The following PLAGL1 variants were observed in gnomAD, a reference collection of about 807,000 sequenced individuals.
PLAGL1 encodes the protein PLAG1 like zinc finger 1.
Under a neutral mutation model 4.6 loss-of-function variants are expected in PLAGL1, and 1 was observed. The ratio of observed to expected loss-of-function variants is 0.22; its 90% CI spans 0.08 to 1.03. PLAGL1 has a LOEUF of 1.03. Ranked by LOEUF, PLAGL1 falls within the 50% of genes least tolerant of loss-of-function variation. The pLI is 0.58. For missense variants in PLAGL1, 464 were observed against 570.4 expected, an observed-to-expected ratio of 0.81 and a Z score of 1.90; for synonymous variants, 240 against 237.8, an observed-to-expected ratio of 1.01 and a Z score of -0.08.
In PLAGL1 at chr6:143,948,261, G is replaced by C. The variant is rs1780243372; in HGVS notation, c.-125C>G. On this transcript the variant is annotated 5_prime_UTR_variant, in exon 7 of 8. Transcript: ENST00000674357. The surrounding 1 kb of genome is among the most constrained non-coding windows in gnomAD (Gnocchi z 6.0). ...CCTGCAGCTGAACTCCAGACCACGG[G>C]AGAGGCAGCATCGTGGGCCTGGTTC... 5.0e-6 allele frequency: 4 copies of C among 802,808 alleles called. No individual in the cohort carries two copies. The South Asian group carries it at 6.8e-5, about 14-fold the overall frequency. 49.7% of individuals were successfully genotyped at this position (802,808 alleles called of 1,614,324 possible).
chr6:144,048,503 T>C lies in PLAGL1; in HGVS notation c.-151+15965A>G, dbSNP rs948725306. ...CTAGGCAGAGGTTCCCAAACCTTGA[T>C]TCTTGACTTCTGTGCACCCTCAGAC... is the stretch of plus-strand genomic sequence containing the variant. On this transcript the variant is annotated intron_variant, in intron 1 of 3. Transcript: ENST00000437412. The surrounding 1 kb of genome is among the most constrained non-coding windows in gnomAD (Gnocchi z 4.8). Among the ~76,000 whole-genome samples, 1 of 152,228 alleles carries C rather than the reference T, an allele frequency of 6.6e-6. No individual in the cohort carries two copies. Among genetic ancestry groups the C allele is most frequent in the Non-Finnish European group, 1.5e-5 (1 of 68,034 alleles).
At chr6:143,976,681 C>T (rs145528106) in intron 2 of PLAGL1, among the ~76,000 whole-genome samples, 153 of 152,296 alleles carry the variant, frequency 1.0e-3, no homozygotes, top group African/African-American at 3.6e-3. Flanking sequence ...GCTAAAGAAA[C>T]TCAGCCTAGA....
At chr6:144,057,776 A>ATT (rs60234022) in intron 1 of PLAGL1, among the ~76,000 whole-genome samples, 273 of 137,192 alleles carry the variant, frequency 2.0e-3, no homozygotes, top group South Asian at 0.01. Context: ...ACGCCTCACC[A>ATT]TTTTTTTTTT....
At chr6:144,026,797 TG>T (rs1234298662) in intron 1 of PLAGL1, among the ~76,000 whole-genome samples, 2 of 152,348 alleles carry the variant, frequency 1.3e-5, no homozygotes, top group East Asian at 3.9e-4. Flanking sequence ...CTGTAACTAC[TG>T]GCAAAGCAGA....
rs1406308846 is a variant in PLAGL1, at chr6:143,990,382, G to A, written c.-583-5208C>T. Among the ~76,000 whole-genome samples the A allele has an allele frequency of 1.3e-5, 2 of 152,182 alleles. No homozygotes were observed. The highest frequency in any genetic ancestry group is 2.9e-5 in the Non-Finnish European group (2 of 68,024). Reference sequence around the variant, plus strand: ...GATCCGCCCGCCTTGGCCTCCCAAAGTGCAGGGATTACAGGTGTGAGCCAT... The same window carrying A: ...GATCCGCCCGCCTTGGCCTCCCAAAATGCAGGGATTACAGGTGTGAGCCAT... On this transcript the variant is annotated intron_variant, in intron 1 of 7. Transcript: ENST00000674357. This position sits in a 1 kb window ranked among gnomAD's most constrained non-coding sequence, Gnocchi z 5.4.
In PLAGL1 at chr6:143,990,408, C is replaced by T. The variant is rs984102176; in HGVS notation, c.-583-5234G>A. Among the ~76,000 whole-genome samples, 3 of 152,262 alleles carry T rather than the reference C, an allele frequency of 2.0e-5. No individual in the cohort carries two copies. The highest frequency in any genetic ancestry group is 2.1e-4 in the South Asian group (1 of 4,822). ...TGCAGGGATTACAGGTGTGAGCCATCGTGCCCGGCTGATATTCCTCAATTT... is the reference window on the plus strand; with the variant it reads ...TGCAGGGATTACAGGTGTGAGCCATTGTGCCCGGCTGATATTCCTCAATTT... On this transcript the variant is annotated intron_variant, in intron 1 of 7. Transcript: ENST00000674357. This position sits in a 1 kb window ranked among gnomAD's most constrained non-coding sequence, Gnocchi z 5.4.
chr6:144,004,444 CA>C lies in PLAGL1; in HGVS notation c.-584+3645del, dbSNP rs1793696409. ...ATACAAAGCAAAAATAAAAAACAAA[CA>C]AAAATTCTTATACATGCAACATGGA... On this transcript the variant is annotated intron_variant, in intron 1 of 7. Transcript: ENST00000674357. The surrounding 1 kb of genome is among the most constrained non-coding windows in gnomAD (Gnocchi z 4.2). 6.6e-6 allele frequency among the ~76,000 whole-genome samples: 1 copy of C among 152,120 alleles called. No homozygotes were observed. The highest frequency in any genetic ancestry group is 2.4e-5 in the African/African-American group (1 of 41,444).
In PLAGL1 at chr6:143,955,429, G is replaced by A. The variant is rs1781918402; in HGVS notation, c.-325+5040C>T. On this transcript the variant is annotated intron_variant, in intron 6 of 7. Coordinates refer to ENST00000674357, the MANE Select transcript of PLAGL1 (RefSeq NM_001317162.2). This position sits in a 1 kb window ranked among gnomAD's most constrained non-coding sequence, Gnocchi z 4.9. ...TTTTTGTCATAAATTGTTTTTAGCA[G>A]ATTGATCTATTTAGTCAAGTCCAGC... Among the ~76,000 whole-genome samples, 2 of 152,276 alleles carry A rather than the reference G, an allele frequency of 1.3e-5. No individual in the cohort carries two copies. The highest frequency in any genetic ancestry group is 4.1e-4 in the South Asian group (2 of 4,828).
chr6:143,946,433 A>G (rs769706418), intron 7 of PLAGL1, among the ~76,000 whole-genome samples: 3 of 152,254 alleles, frequency 2.0e-5, no homozygotes, highest in Non-Finnish European at 4.4e-5. Context: ...AGCTTCATGC[A>G]AAACAGGGAG....
rs571187257 is a variant in PLAGL1 at position 143,985,624 on chromosome 6, T to TCTACTA, written c.-583-456_-583-451dup. ...TTCATTCCTTGTCCATAGTTCTATG[T>TCTACTA]CTACTACTACTACTACTACTTCCTA... On this transcript the variant is annotated intron_variant, in intron 1 of 7. Coordinates refer to ENST00000674357, the MANE Select transcript of PLAGL1 (RefSeq NM_001317162.2). The surrounding 1 kb of genome is among the most constrained non-coding windows in gnomAD (Gnocchi z 4.4). 6.6e-4 allele frequency among the ~76,000 whole-genome samples: 100 copies of TCTACTA among 151,910 alleles called. No homozygotes were observed. The highest frequency in any genetic ancestry group is 2.3e-3 in the African/African-American group (96 of 41,470).
In PLAGL1 at chr6:143,961,525, T is replaced by A. The variant is rs1187231190; in HGVS notation, c.-398-983A>T. ...AACCAAGGCCATTTTGGGACAACTGTTTTTAACGTTAATGCATCACAATAC... is the reference window on the plus strand; with the variant it reads ...AACCAAGGCCATTTTGGGACAACTGATTTTAACGTTAATGCATCACAATAC... On this transcript the variant is annotated intron_variant, in intron 5 of 7. Coordinates refer to ENST00000674357, the MANE Select transcript of PLAGL1 (RefSeq NM_001317162.2). The surrounding 1 kb of genome is among the most constrained non-coding windows in gnomAD (Gnocchi z 6.5). The A allele has an allele frequency of 6.6e-6, 1 of 152,240 alleles. No homozygotes were observed. 9.4% of individuals were successfully genotyped at this position (152,240 alleles called of 1,614,324 possible).
chr6:143,948,211 T>C lies in PLAGL1; in HGVS notation c.-75A>G. 7.2e-7 allele frequency: 1 copy of C among 1,397,078 alleles called. No homozygotes were observed. The highest frequency in any genetic ancestry group is 1.0e-6 in the Non-Finnish European group (1 of 995,512). 86.5% of individuals were successfully genotyped at this position (1,397,078 alleles called of 1,614,324 possible). A position where few individuals can be genotyped will look rare whatever the true frequency, so the allele number is the denominator to read the frequency against. Reference sequence around the variant, plus strand: ...TGCCATTTAAGCACAAACAGAACGATGGTGCTGGGCACATCAGCAGAGTCC... The same window carrying C: ...TGCCATTTAAGCACAAACAGAACGACGGTGCTGGGCACATCAGCAGAGTCC... On this transcript the variant is annotated 5_prime_UTR_variant, in exon 7 of 8. Transcript: ENST00000674357. The surrounding 1 kb of genome is among the most constrained non-coding windows in gnomAD (Gnocchi z 6.0).
rs201542404 is a variant in PLAGL1 at position 144,047,884 on chromosome 6, G to GTCCAAT, written c.-151+16583_-151+16584insATTGGA. Among the ~76,000 whole-genome samples, 1,349 of 152,200 alleles carry GTCCAAT rather than the reference G, an allele frequency of 8.9e-3. 19 individuals carry two copies. Among genetic ancestry groups the GTCCAAT allele is most frequent in the African/African-American group, 0.031 (1,278 of 41,510 alleles). ...TTTCAGCATTAACTCAAAAGTCCAAGTCCAAAGTCTCTTCTGAGACAAGGC... is the reference window on the plus strand; with the variant it reads ...TTTCAGCATTAACTCAAAAGTCCAAGTCCAATTCCAAAGTCTCTTCTGAGACAAGGC... On this transcript the variant is annotated intron_variant, in intron 1 of 3. Coordinates refer to the PLAGL1 transcript ENST00000437412.
chr6:144,042,006 C>T (rs1359585096), intron 1 of PLAGL1, among the ~76,000 whole-genome samples: 2 of 152,166 alleles, frequency 1.3e-5, no homozygotes, highest in Admixed American at 6.5e-5. Flanking sequence ...TGTTCATATC[C>T]TTTGCCCACT....
At chr6:143,951,438 G>C (rs770731478) in intron 6 of PLAGL1, among the ~76,000 whole-genome samples, 1 of 152,218 alleles carries the variant, frequency 6.6e-6, no homozygotes, top group Non-Finnish European at 1.5e-5. Context: ...GGACACAAGA[G>C]GTGGCAAGTA....
intron 1 of PLAGL1, among the ~76,000 whole-genome samples, chr6:144,014,314 C>T (rs1432324260): frequency 6.6e-6 from 1 of 151,974 alleles, no homozygotes; most frequent in African/African-American, 2.4e-5. Flanking sequence ...CCTGTAATCC[C>T]AGCTACTCAG....
At chr6:144,044,607 T>C (rs898365917) in intron 1 of PLAGL1, among the ~76,000 whole-genome samples, 4 of 152,164 alleles carry the variant, frequency 2.6e-5, no homozygotes, top group Non-Finnish European at 4.4e-5. Context: ...ACTGGTCAAC[T>C]TTGGAATAAG....
intron 1 of PLAGL1, among the ~76,000 whole-genome samples, chr6:143,996,558 C>T (rs1056732248): frequency 2.6e-5 from 4 of 151,256 alleles, no homozygotes; most frequent in Non-Finnish European, 5.9e-5. Context: ...GCAGAAATGT[C>T]ATGTGCAAAT....
At chr6:144,023,719 C>G (rs1284277792) in intron 1 of PLAGL1, among the ~76,000 whole-genome samples, 3 of 150,280 alleles carry the variant, frequency 2.0e-5, no homozygotes, top group Non-Finnish European at 2.9e-5. Flanking sequence ...CTAGAATAAG[C>G]CACATAGGAC....
Sources: allele counts gnomAD v4.1 joint callset (sites outside exome capture counted in the v4.1 genomes callset), GRCh38; gene constraint gnomAD v4.1.1; non-coding constraint Gnocchi (gnomAD v3.1); transcripts MANE v1.5; gene names NCBI Gene and HGNC (gene_info 2026-07-23, HGNC 2026-07-21).